Variants in PARD3 observed in about 807,000 individuals in gnomAD.
The protein encoded by PARD3 is par-3 family cell polarity regulator.
In PARD3, 75 loss-of-function variants were observed where a neutral mutation model predicts 155.4. The observed-to-expected ratio is 0.48, with a 90% CI of 0.40 to 0.58. The LOEUF is 0.58. Among genes scored for constraint, PARD3 ranks in the 20% least tolerant of loss-of-function variants. The pLI is 0.00. For missense variants in PARD3, 1,642 were observed against 1,721.7 expected (o/e 0.95, Z 0.82); for synonymous variants, 576 against 610.5 (o/e 0.94, Z 0.83).
intron 1 of PARD3, among the ~76,000 whole-genome samples, chr10:34,757,648 T>C (rs564821445): frequency 6.6e-6 from 1 of 151,240 alleles, no homozygotes; most frequent in Non-Finnish European, 1.5e-5. Flanking sequence ...GAGGCAGAGG[T>C]TGCAATGAGC....
At chr10:34,556,938 C>T (rs1212154800) in intron 2 of PARD3, among the ~76,000 whole-genome samples, 1 of 152,062 alleles carries the variant, frequency 6.6e-6, no homozygotes, top group Admixed American at 6.5e-5. Context: ...CTGATTCTAC[C>T]CTACTCCCAA....
At chr10:34,719,907 T>TGGTTA (rs2094577284) in intron 1 of PARD3, among the ~76,000 whole-genome samples, 1 of 152,092 alleles carries the variant, frequency 6.6e-6, no homozygotes, top group Non-Finnish European at 1.5e-5. Context: ...AAAACCCATG[T>TGGTTA]GGTTAGGTGG....
intron 1 of PARD3, among the ~76,000 whole-genome samples, chr10:34,715,927 C>G (rs1052931504): frequency 6.6e-6 from 1 of 152,206 alleles, no homozygotes. Context: ...TATTCCCTTG[C>G]TAACCTATTT....
chr10:34,570,269 T>C (rs1022645900), intron 2 of PARD3, among the ~76,000 whole-genome samples: 2 of 152,202 alleles, frequency 1.3e-5, no homozygotes, highest in Non-Finnish European at 2.9e-5. Flanking sequence ...CTTCTGAAGG[T>C]TGGGGTACCA....
At chr10:34,605,988 A>C (rs28617506) in intron 2 of PARD3, among the ~76,000 whole-genome samples, 157 of 912 alleles carry the variant, frequency 0.17, 46 homozygotes, top group Admixed American at 0.5. Context: ...TCCTATATAT[A>C]TATATCTCCT....
At chr10:34,551,641 G>C (rs897122505) in intron 2 of PARD3, among the ~76,000 whole-genome samples, 6 of 152,198 alleles carry the variant, frequency 3.9e-5, no homozygotes, top group African/African-American at 1.4e-4. Context: ...CAATAACGGG[G>C]TGTCGGCAGA....
rs146898233 is a variant in PARD3, at chr10:34,497,960, G to A, written c.403+19019C>T. On this transcript the variant is annotated intron_variant, in intron 3 of 24. Coordinates refer to ENST00000374788, the MANE Select transcript of PARD3 (RefSeq NM_001184785.2). ...CTTGGAAAATAATTCAAGGGGCACCGAAGTAATATACAAAAACCGTGACAA... is the reference window on the plus strand; with the variant it reads ...CTTGGAAAATAATTCAAGGGGCACCAAAGTAATATACAAAAACCGTGACAA... 4.7e-3 allele frequency among the ~76,000 whole-genome samples: 717 copies of A among 152,180 alleles called. 2 individuals carry two copies. The highest frequency in any genetic ancestry group is 8.0e-3 in the Non-Finnish European group (547 of 67,990).
chr10:34,664,768 G>T (rs958067691), intron 2 of PARD3, among the ~76,000 whole-genome samples: 1 of 152,188 alleles, frequency 6.6e-6, no homozygotes, highest in East Asian at 1.9e-4. Flanking sequence ...TTACAGACCT[G>T]AGCCACCATG....
chr10:34,362,704 AGGCT>A (rs1159735902), intron 12 of PARD3, among the ~76,000 whole-genome samples: 1 of 152,210 alleles, frequency 6.6e-6, no homozygotes, highest in African/African-American at 2.4e-5. Context: ...CATGTTGGCC[AGGCT>A]GGTTTCAGAC....
intron 22 of PARD3, among the ~76,000 whole-genome samples, chr10:34,151,163 G>C (rs1460521354): frequency 7.6e-6 from 1 of 132,088 alleles, no homozygotes; most frequent in Non-Finnish European, 1.6e-5. Flanking sequence ...CAAAAACTTT[G>C]TAAGCTTCAT....
chr10:34,655,533 A>G (rs1189723203), intron 2 of PARD3, among the ~76,000 whole-genome samples: 1 of 152,196 alleles, frequency 6.6e-6, no homozygotes, highest in African/African-American at 2.4e-5. Context: ...TTCATACTCC[A>G]AAACTCCACT....
At chr10:34,536,886 C>A (rs1387255815) in intron 2 of PARD3, among the ~76,000 whole-genome samples, 1 of 152,062 alleles carries the variant, frequency 6.6e-6, no homozygotes, top group Admixed American at 6.5e-5. Flanking sequence ...GACCAAAAGA[C>A]TGAAAGAAAA....
At chr10:34,635,517 A>G (rs1482958949) in intron 2 of PARD3, among the ~76,000 whole-genome samples, 1 of 152,238 alleles carries the variant, frequency 6.6e-6, no homozygotes, top group African/African-American at 2.4e-5. Context: ...GGGTTGCTAC[A>G]GAACTAAGGG....
At chr10:34,780,729 G>T (rs1016284977) in intron 1 of PARD3, among the ~76,000 whole-genome samples, 2 of 152,196 alleles carry the variant, frequency 1.3e-5, no homozygotes, top group African/African-American at 4.8e-5. Context: ...TATCATAAAA[G>T]GAGGGGAAGC....
intron 1 of PARD3, among the ~76,000 whole-genome samples, chr10:34,730,241 G>A (rs1048755198): frequency 5.9e-5 from 9 of 152,060 alleles, no homozygotes; most frequent in Non-Finnish European, 1.2e-4. Context: ...ATAAAGAGAA[G>A]TGGATGGTAT....
At chr10:34,270,485 T>C (rs934167845) in intron 21 of PARD3, among the ~76,000 whole-genome samples, 1 of 152,138 alleles carries the variant, frequency 6.6e-6, no homozygotes, top group Admixed American at 6.6e-5. Context: ...ATTAACTAGC[T>C]TTAAAAACTC....
At chr10:34,145,888 G>A (rs1404497755) in intron 22 of PARD3, among the ~76,000 whole-genome samples, 2 of 152,142 alleles carry the variant, frequency 1.3e-5, no homozygotes, top group East Asian at 1.9e-4. Flanking sequence ...GTGCTTCAGG[G>A]GGGTTTATGA....
chr10:34,256,493 A>G (rs570202241), intron 22 of PARD3, among the ~76,000 whole-genome samples: 1 of 152,364 alleles, frequency 6.6e-6, no homozygotes, highest in African/African-American at 2.4e-5. Context: ...GGCTAAGATC[A>G]GTTTCTTGCC....
chr10:34,269,678 G>T lies in PARD3; in HGVS notation c.3398C>A (p.Ser1133Tyr). ...CTACCTGTCTACAGGTGAGGGTTTG[G>T]AATTCCGCGGCTTCTTGACTTGGGC... The part of the protein sequence containing the change: ...LYAQVKKPRN[S>Y]KPSPVDSNRS... The change falls in exon 22 of 25, where the codon TCC becomes TAC. Residue 1133 changes from serine to tyrosine, a missense_variant. Around this residue, in one of 3 missense-constraint regions of PARD3, gnomAD observed 1,529 missense variants for 1,587.3 expected, o/e 0.96. Transcript: ENST00000374788. 6.2e-7 allele frequency: 1 copy of T among 1,614,042 alleles called. No individual in the cohort carries two copies. The highest frequency in any genetic ancestry group is 8.5e-7 in the Non-Finnish European group (1 of 1,179,954).
Sources: gnomAD v4.1 joint callset for allele counts (sites outside exome capture counted in the v4.1 genomes callset) on GRCh38, gnomAD v4.1.1 for gene constraint, gnomAD v4.1.1 regional missense constraint, MANE v1.5 for transcripts, NCBI Gene and HGNC (gene_info 2026-07-23, HGNC 2026-07-21) for gene names.